Variants in ZFYVE28 observed in about 807,000 individuals in gnomAD.
The protein encoded by ZFYVE28 is zinc finger FYVE-type containing 28.
ZFYVE28 carries 40 observed loss-of-function variants against 82.1 expected under a neutral mutation model. The observed-to-expected ratio is 0.49, with a 90% confidence interval of 0.38 to 0.63. ZFYVE28 has a LOEUF of 0.63. Among genes scored for constraint, ZFYVE28 ranks in the 30% least tolerant of loss-of-function variants. The pLI is 0.00. For missense variants in ZFYVE28, 1,321 were observed against 1,242.1 expected (o/e 1.06, Z -0.96); for synonymous variants, 612 against 546.1 (o/e 1.12, Z -1.68).
rs770579351 is a variant in ZFYVE28 at position 2,304,930 on chromosome 4, C to T, written c.1410G>A (p.Gly470=). The change falls in exon 8 of 13, where the codon GGG becomes GGA. Residue 470 remains glycine, a synonymous_variant. Transcript: ENST00000290974. ...AGGAGCTGGTGCCCGCGAGGCTGGC[C>T]CCATCTGTGCCCTCGGCCTCGAGAT... ...NNNLEAEGTD[G]ASLAGTSSCS... The T allele has an allele frequency of 3.7e-6, 6 of 1,612,584 alleles. No homozygotes were observed. The African/African-American group carries it at 6.7e-5, about 18-fold the overall frequency.
chr4:2,390,094 A>G (rs994426349), intron 1 of ZFYVE28, among the ~76,000 whole-genome samples: 6 of 152,238 alleles, frequency 3.9e-5, no homozygotes, highest in African/African-American at 1.4e-4. Context: ...ATCCTGAATT[A>G]TCTGAGAGGG....
chr4:2,302,933 A>G (rs928903184), intron 8 of ZFYVE28, among the ~76,000 whole-genome samples: 2 of 152,198 alleles, frequency 1.3e-5, no homozygotes, highest in Admixed American at 1.3e-4. Flanking sequence ...TGACCCTCCT[A>G]GCCTTCAAAA....
At position 2,305,066 on chromosome 4, in the gene ZFYVE28, C is replaced by G. The variant is rs774530093; in HGVS notation, c.1274G>C (p.Trp425Ser). 1 of 1,610,818 alleles carries G rather than the reference C, an allele frequency of 6.2e-7. No individual in the cohort carries two copies. The highest frequency in any genetic ancestry group is 2.2e-5 in the East Asian group (1 of 44,850). Residue 425 changes from tryptophan (W) to serine (S), a missense_variant, in exon 8 of 13, where the codon TGG (tryptophan) becomes TCG (serine). Around this residue, in one of 2 missense-constraint regions of ZFYVE28, gnomAD observed 978 missense variants for 833.7 expected, o/e 1.17. Transcript: ENST00000290974. ...RPESPAGPFG[W>S]AGSTWADPQE... ...GGGGTCGGCCCAGGTACTGCCTGCC[C>G]ACCCAAATGGGCCAGCTGGGGACTC...
intron 2 of ZFYVE28, among the ~76,000 whole-genome samples, chr4:2,345,592 G>C (rs1723416686): frequency 6.6e-6 from 1 of 151,746 alleles, no homozygotes; most frequent in South Asian, 2.1e-4. Flanking sequence ...TGTAATTCAA[G>C]TCCCAAAACG....
chr4:2,340,448 G>T (rs1043126450), intron 3 of ZFYVE28, among the ~76,000 whole-genome samples: 2 of 152,232 alleles, frequency 1.3e-5, no homozygotes, highest in Non-Finnish European at 2.9e-5. Flanking sequence ...CCAGGTTTAG[G>T]ATAGAACCAA....
chr4:2,418,040 G>A lies in ZFYVE28; in HGVS notation c.39+245C>T, dbSNP rs1733299045. Among the ~76,000 whole-genome samples, 1 of 152,108 alleles carries A rather than the reference G, an allele frequency of 6.6e-6. No homozygotes were observed. The highest frequency in any genetic ancestry group is 6.5e-5 in the Admixed American group (1 of 15,280). ...AGGGAAAGTGCGCCCCGGCCCGAGA[G>A]GAGGAGCAGGAGGGTCAGTCCTGGA... On this transcript the variant is annotated intron_variant, in intron 1 of 12. Coordinates refer to ENST00000290974, the MANE Select transcript of ZFYVE28 (RefSeq NM_020972.3). The surrounding 1 kb of genome is among the most constrained non-coding windows in gnomAD (Gnocchi z 4.6).
At chr4:2,299,699 G>A (rs1445840087) in intron 8 of ZFYVE28, among the ~76,000 whole-genome samples, 4 of 136,738 alleles carry the variant, frequency 2.9e-5, no homozygotes, top group Non-Finnish European at 6.4e-5. Context: ...GAGAATCCAA[G>A]AGGCAGACAA....
chr4:2,386,632 C>T (rs1020636991), intron 1 of ZFYVE28, among the ~76,000 whole-genome samples: 16 of 152,210 alleles, frequency 1.1e-4, no homozygotes, highest in African/African-American at 3.6e-4. Flanking sequence ...CCCCTAGCCA[C>T]GTGATGCCCT....
intron 1 of ZFYVE28, among the ~76,000 whole-genome samples, chr4:2,376,388 A>AG: frequency 6.6e-6 from 1 of 151,266 alleles, no homozygotes; most frequent in East Asian, 2.0e-4. Flanking sequence ...AAAAAAAAAA[A>AG]AAAAAAAAAA....
rs78256542 is a variant in ZFYVE28 at position 2,319,420 on chromosome 4, C to T, written c.803+750G>A. Among the ~76,000 whole-genome samples the T allele has an allele frequency of 7.4e-4, 112 of 152,310 alleles. 1 individual carries two copies. The highest frequency in any genetic ancestry group is 5.4e-3 in the East Asian group (28 of 5,180). On this transcript the variant is annotated intron_variant, in intron 7 of 12. Transcript: ENST00000290974. ...AGGGTGACGAGGACCCCATAGCCCA[C>T]GGGGTCACTTTTCACTGTCTGGACT...
chr4:2,413,974 A>T (rs1732778906), intron 1 of ZFYVE28, among the ~76,000 whole-genome samples: 1 of 152,202 alleles, frequency 6.6e-6, no homozygotes. Flanking sequence ...GGGGAGCCCC[A>T]AAAGGAGGAC....
intron 7 of ZFYVE28, among the ~76,000 whole-genome samples, chr4:2,310,057 G>C (rs1237613799): frequency 6.6e-6 from 1 of 150,472 alleles, no homozygotes; most frequent in Non-Finnish European, 1.5e-5. Flanking sequence ...TTTTAATTTT[G>C]AGATAATGTC....
intron 1 of ZFYVE28, among the ~76,000 whole-genome samples, chr4:2,363,586 A>T (rs1011700586): frequency 1.3e-5 from 2 of 152,140 alleles, no homozygotes; most frequent in Non-Finnish European, 2.9e-5. Context: ...AGCCTTCCCG[A>T]CACTGGGGAC....
At chr4:2,403,833 G>A (rs1731472324) in intron 1 of ZFYVE28, among the ~76,000 whole-genome samples, 2 of 152,130 alleles carry the variant, frequency 1.3e-5, no homozygotes, top group South Asian at 4.2e-4. Flanking sequence ...GCTGGGTGTG[G>A]TGGTGCACAT....
chr4:2,340,134 G>C (rs905889083), intron 3 of ZFYVE28, among the ~76,000 whole-genome samples: 38 of 152,136 alleles, frequency 2.5e-4, no homozygotes, highest in African/African-American at 8.7e-4. Context: ...ATCCGGGCCC[G>C]AGGTCCCCAG....
rs1325719815 is a variant in ZFYVE28 at position 2,300,885 on chromosome 4, C to A, written c.2051+3404G>T. Among the ~76,000 whole-genome samples, 2 of 152,194 alleles carry A rather than the reference C, an allele frequency of 1.3e-5. No individual in the cohort carries two copies. Among genetic ancestry groups the A allele is most frequent in the Non-Finnish European group, 2.9e-5 (2 of 68,038 alleles). On this transcript the variant is annotated intron_variant, in intron 8 of 12. Coordinates refer to ENST00000290974, the MANE Select transcript of ZFYVE28 (RefSeq NM_020972.3). This position sits in a 1 kb window ranked among gnomAD's most constrained non-coding sequence, Gnocchi z 4.6. ...CTGCCGGGCGAGCGGGTCTCACGGCCAAACAGGCCCGGGCTCTTCCAGATG... is the reference window on the plus strand; with the variant it reads ...CTGCCGGGCGAGCGGGTCTCACGGCAAAACAGGCCCGGGCTCTTCCAGATG...
chr4:2,379,609 C>T (rs1007420892), intron 1 of ZFYVE28, among the ~76,000 whole-genome samples: 9 of 152,144 alleles, frequency 5.9e-5, no homozygotes, highest in Non-Finnish European at 7.3e-5. Context: ...AGAGATGGCA[C>T]GCGCACCTCT....
At chr4:2,329,776 T>C (rs903292702) in intron 6 of ZFYVE28, among the ~76,000 whole-genome samples, 1 of 152,264 alleles carries the variant, frequency 6.6e-6, no homozygotes, top group Non-Finnish European at 1.5e-5. Flanking sequence ...TTAGGAGATT[T>C]TTCTCCATCA....
intron 1 of ZFYVE28, among the ~76,000 whole-genome samples, chr4:2,368,265 G>A (rs976157888): frequency 1.3e-5 from 2 of 149,406 alleles, no homozygotes; most frequent in Non-Finnish European, 3.0e-5. Flanking sequence ...AGCCAGGTGT[G>A]GTGGTCTGCA....
Sources: allele counts gnomAD v4.1 joint callset (sites outside exome capture counted in the v4.1 genomes callset), GRCh38; gene constraint gnomAD v4.1.1; regional missense constraint gnomAD v4.1.1; non-coding constraint Gnocchi (gnomAD v3.1); transcripts MANE v1.5; gene names NCBI Gene and HGNC (gene_info 2026-07-23, HGNC 2026-07-21).